PGAM2: variants seen among roughly 807,000 people sequenced by gnomAD.
PGAM2 encodes the protein BPG-dependent PGAM 2.
Under a neutral mutation model 22.5 loss-of-function variants are expected in PGAM2, and 23 were observed. That is an observed-to-expected ratio of 1.02 (90% CI 0.74 to 1.45). PGAM2 has a LOEUF of 1.45. Ranked by LOEUF, PGAM2 falls within the 40% of genes most tolerant of loss-of-function variation. PGAM2 has a pLI of 0.00. For missense variants in PGAM2, 349 were observed against 356.2 expected (o/e 0.98, Z 0.16); for synonymous variants, 133 against 138.6 (o/e 0.96, Z 0.29).
At position 44,065,516 on chromosome 7, in the gene PGAM2, C is replaced by T. The variant is rs756010000; in HGVS notation, c.14G>A (p.Arg5His). The change falls in exon 1 of 3, where the codon CGC becomes CAC. Residue 5 changes from arginine (R) to histidine (H), a missense_variant. Arg to His is a conservative substitution (Grantham distance 29, BLOSUM62 0). Coordinates refer to ENST00000297283, the MANE Select transcript of PGAM2 (RefSeq NM_000290.4). Reference sequence around the variant, plus strand: ...CTCGCCGTGCCGGACCATCACGAGGCGGTGAGTGGCCATGGTGGCAGCAGG... The same window carrying T: ...CTCGCCGTGCCGGACCATCACGAGGTGGTGAGTGGCCATGGTGGCAGCAGG... MATH[R>H]LVMVRHGEST... The T allele has an allele frequency of 2.0e-5, 33 of 1,613,854 alleles. No individual in the cohort carries two copies. The highest frequency in any genetic ancestry group is 1.6e-4 in the Middle Eastern group (1 of 6,084).
In PGAM2 at chr7:44,065,156, G is replaced by A. The variant is rs1385458139; in HGVS notation, c.374C>T (p.Pro125Leu). Residue 125 changes from proline (P) to leucine (L), a missense_variant, in exon 1 of 3, where the codon CCG (proline) becomes CTG (leucine). Transcript: ENST00000297283. Reference sequence around the variant, plus strand: ...GTAGTAGGGGTGCTTCTCGTCCATCGGGGGCGGCGGGATGTCGAAGGAGCG... The same window carrying A: ...GTAGTAGGGGTGCTTCTCGTCCATCAGGGGCGGCGGGATGTCGAAGGAGCG... The part of the protein sequence containing the change: ...WRRSFDIPPP[P>L]MDEKHPYYNS... 6 of 1,613,986 alleles carry A rather than the reference G, an allele frequency of 3.7e-6. No homozygotes were observed. Among genetic ancestry groups the A allele is most frequent in the African/African-American group, 2.7e-5 (2 of 75,054 alleles).
rs1315042365 is a variant in PGAM2 at position 44,065,224 on chromosome 7, T to C, written c.306A>G (p.Glu102=). 6.2e-7 allele frequency: 1 copy of C among 1,614,004 alleles called. No individual in the cohort carries two copies. The highest frequency in any genetic ancestry group is 2.2e-5 in the East Asian group (1 of 44,874). Reference sequence around the variant, plus strand: ...GCTCCTCCCCGTGCTTGGCGGCCGTTTCTGCCTTGTTGAGGCCTGTGAGGC... The same window carrying C: ...GCTCCTCCCCGTGCTTGGCGGCCGTCTCTGCCTTGTTGAGGCCTGTGAGGC... ...YGGLTGLNKA[E]TAAKHGEEQV... Residue 102 remains glutamate, a synonymous_variant, in exon 1 of 3, where the codon GAA becomes GAG. Coordinates refer to ENST00000297283, the MANE Select transcript of PGAM2 (RefSeq NM_000290.4).
intron 2 of PGAM2, chr7:44,064,629 C>A: frequency 1.6e-6 from 1 of 613,544 alleles, no homozygotes; most frequent in Non-Finnish European, 2.9e-6. Flanking sequence ...CAGTCAGCCC[C>A]TGTGGAGTGT....
Position 44,065,526 on chromosome 7 carries a change from C to T in PGAM2, c.4G>A (p.Ala2Thr), listed in dbSNP as rs1206914925. 1 of 1,613,816 alleles carries T rather than the reference C, an allele frequency of 6.2e-7. No homozygotes were observed. Among genetic ancestry groups the T allele is most frequent in the South Asian group, 1.1e-5 (1 of 91,082 alleles). M[A>T]THRLVMVRHG... Reference sequence around the variant, plus strand: ...CGGACCATCACGAGGCGGTGAGTGGCCATGGTGGCAGCAGGGACCACAGAG... The same window carrying T: ...CGGACCATCACGAGGCGGTGAGTGGTCATGGTGGCAGCAGGGACCACAGAG... Residue 2 changes from alanine to threonine, a missense_variant, in exon 1 of 3, where the codon GCC becomes ACC. By Grantham distance (58) the Ala-to-Thr change is moderately conservative. Transcript: ENST00000297283.
Position 44,064,970 on chromosome 7 carries a change from A to G in PGAM2, c.457T>C (p.Cys153Arg). ...GCAATGGTGTCCTTGAGGCTCTCGC[A>G]GGTGGGGAGTTCCCCGGGCTTCAGG... ...AGLKPGELPTCESLKDTIARA... is the reference protein window; with the variant it reads ...AGLKPGELPTRESLKDTIARA... The change falls in exon 2 of 3, where the codon TGC becomes CGC. Residue 153 changes from cysteine (C) to arginine (R), a missense_variant. Physicochemically the swap from Cys to Arg is radical, Grantham distance 180. Transcript: ENST00000297283. 1.2e-6 allele frequency: 2 copies of G among 1,607,692 alleles called. No individual in the cohort carries two copies. The highest frequency in any genetic ancestry group is 8.5e-7 in the Non-Finnish European group (1 of 1,179,636).
chr7:44,064,448 C>T lies in PGAM2; in HGVS notation c.595+384G>A, dbSNP rs79731102. ...TACCAGGGGGAGCTCCCCACCACCC[C>T]GGAAAAGGGAGAGGCCCAGAGATGG... On this transcript the variant is annotated intron_variant, in intron 2 of 2. Coordinates refer to ENST00000297283, the MANE Select transcript of PGAM2 (RefSeq NM_000290.4). The T allele has an allele frequency of 1.2e-4, 37 of 313,742 alleles. No homozygotes were observed. In the East Asian group the frequency reaches 3.2e-3, roughly 27 times the overall value. 19.4% of individuals were successfully genotyped at this position (313,742 alleles called of 1,614,324 possible).
rs749583250 is a variant in PGAM2 at position 44,065,565 on chromosome 7, G to A, written c.-36C>T. 6.2e-7 allele frequency: 1 copy of A among 1,601,750 alleles called. No individual in the cohort carries two copies. Among genetic ancestry groups the A allele is most frequent in the South Asian group, 1.1e-5 (1 of 90,848 alleles). On this transcript the variant is annotated 5_prime_UTR_variant, in exon 1 of 3. Transcript: ENST00000297283. Reference sequence around the variant, plus strand: ...GGGACCACAGAGGACTCTGGACGGGGACGGCTGCTTCCCAACACTCCCAGC... The same window carrying A: ...GGGACCACAGAGGACTCTGGACGGGAACGGCTGCTTCCCAACACTCCCAGC...
intron 2 of PGAM2, chr7:44,063,902 G>A (rs2096154020): frequency 6.6e-6 from 1 of 152,382 alleles, no homozygotes; most frequent in Non-Finnish European, 1.5e-5. Flanking sequence ...GGAAGGGAGA[G>A]GAGGCAGGTG....
rs750422335 is a variant in PGAM2, at chr7:44,062,889, C to T, written c.637G>A (p.Gly213Arg). 3 of 1,614,208 alleles carry T rather than the reference C, an allele frequency of 1.9e-6. No individual in the cohort carries two copies. The highest frequency in any genetic ancestry group is 3.3e-4 in the Middle Eastern group (2 of 6,062). Residue 213 changes from glycine to arginine, a missense_variant, in exon 3 of 3, where the codon GGG becomes AGG. Gly to Arg is a moderately radical substitution (Grantham distance 125, BLOSUM62 -2). Transcript: ENST00000297283. ...TTCAGCTCATACACAATGGGGATCC[C>T]CGTGGGCAGGTTCAGCTCCATGATC... ...QAIMELNLPT[G>R]IPIVYELNKE...
Position 44,064,965 on chromosome 7 carries a change from C to G in PGAM2, c.462G>C (p.Glu154Asp). The change falls in exon 2 of 3, where the codon GAG becomes GAC. Residue 154 changes from glutamate (E) to aspartate (D), a missense_variant. Physicochemically the swap from Glu to Asp is conservative, Grantham distance 45 (BLOSUM62 2). Coordinates refer to ENST00000297283, the MANE Select transcript of PGAM2 (RefSeq NM_000290.4). The stretch of plus-strand genomic sequence containing the variant: ...CCCGGGCAATGGTGTCCTTGAGGCT[C>G]TCGCAGGTGGGGAGTTCCCCGGGCT... Reference protein sequence around the residue: ...GLKPGELPTCESLKDTIARAL... With the variant: ...GLKPGELPTCDSLKDTIARAL... 6.2e-7 allele frequency: 1 copy of G among 1,608,162 alleles called. No homozygotes were observed. The highest frequency in any genetic ancestry group is 8.5e-7 in the Non-Finnish European group (1 of 1,179,694).
At chr7:44,063,933 C>T (rs1312291724) in intron 2 of PGAM2, 1 of 152,014 alleles carries the variant, frequency 6.6e-6, no homozygotes, top group East Asian at 1.9e-4. Flanking sequence ...CTGCCTGGCC[C>T]CAGTGCCAGG....
At position 44,065,494 on chromosome 7, in the gene PGAM2, G is replaced by A. The variant is rs369660945; in HGVS notation, c.36C>T (p.Gly12=). ...ATHRLVMVRH[G]ESTWNQENRF... ...GGTTCTCCTGGTTCCATGTGCTCTC[G>A]CCGTGCCGGACCATCACGAGGCGGT... is the stretch of plus-strand genomic sequence containing the variant. Residue 12 remains glycine, a synonymous_variant, in exon 1 of 3, where the codon GGC becomes GGT. Coordinates refer to ENST00000297283, the MANE Select transcript of PGAM2 (RefSeq NM_000290.4). 3.5e-5 allele frequency: 57 copies of A among 1,613,910 alleles called. No homozygotes were observed. In the Middle Eastern group the frequency reaches 1.3e-3, roughly 37 times the overall value.
chr7:44,064,545 T>C (rs887518752), intron 2 of PGAM2: 1 of 483,848 alleles, frequency 2.1e-6, no homozygotes, highest in Non-Finnish European at 3.8e-6. Context: ...CCCTTCCGTT[T>C]CCTAGCTGGG....
intron 2 of PGAM2, chr7:44,063,293 C>CTT: frequency 3.2e-6 from 1 of 315,444 alleles, no homozygotes; most frequent in South Asian, 2.8e-5. Flanking sequence ...TTTTCTTTTT[C>CTT]TTTTTTTTGA....
In PGAM2 at chr7:44,065,505, C is replaced by G. The variant is rs764295682; in HGVS notation, c.25G>C (p.Val9Leu). 3 of 1,613,962 alleles carry G rather than the reference C, an allele frequency of 1.9e-6. No homozygotes were observed. The highest frequency in any genetic ancestry group is 2.5e-6 in the Non-Finnish European group (3 of 1,180,056). Residue 9 changes from valine (V) to leucine (L), a missense_variant, in exon 1 of 3, where the codon GTC becomes CTC. By Grantham distance (32) the Val-to-Leu change is conservative. Transcript: ENST00000297283. ...TTCCATGTGCTCTCGCCGTGCCGGA[C>G]CATCACGAGGCGGTGAGTGGCCATG... MATHRLVM[V>L]RHGESTWNQE...
rs761327805 is a variant in PGAM2, at chr7:44,062,731, G to T, written c.*33C>A. The T allele has an allele frequency of 2.5e-6, 4 of 1,610,606 alleles. 1 individual carries two copies. The Admixed American group carries it at 6.7e-5, about 27-fold the overall frequency. On this transcript the variant is annotated 3_prime_UTR_variant, in exon 3 of 3. Coordinates refer to ENST00000297283, the MANE Select transcript of PGAM2 (RefSeq NM_000290.4). ...CGGCTGCGCTGGACTCCAGGCTGTT[G>T]GGGGAGGTGCCTTTATTGCCCAAGC...
At chr7:44,064,588 C>T (rs926106342) in intron 2 of PGAM2, 1 of 553,272 alleles carries the variant, frequency 1.8e-6, no homozygotes, top group Non-Finnish European at 3.3e-6. Flanking sequence ...TTGGAGCCTG[C>T]CCCACCTCGG....
Position 44,065,404 on chromosome 7 carries a change from G to A in PGAM2, c.126C>T (p.Ala42=). The change falls in exon 1 of 3, where the codon GCC becomes GCT. Residue 42 remains alanine, a synonymous_variant. Coordinates refer to ENST00000297283, the MANE Select transcript of PGAM2 (RefSeq NM_000290.4). ...CCATCTTGGCATCCTTGATGGCCTT[G>A]GCTCCCCGCTTGGCCTCCTCGGTCC... ...EKGTEEAKRG[A]KAIKDAKMEF... 1 of 1,614,096 alleles carries A rather than the reference G, an allele frequency of 6.2e-7. No homozygotes were observed. Among genetic ancestry groups the A allele is most frequent in the Non-Finnish European group, 8.5e-7 (1 of 1,180,042 alleles).
rs374395743 is a variant in PGAM2, at chr7:44,065,208, C to T, written c.322G>A (p.Gly108Arg). 3.3e-5 allele frequency: 54 copies of T among 1,613,956 alleles called. No homozygotes were observed. Among genetic ancestry groups the T allele is most frequent in the East Asian group, 8.9e-5 (4 of 44,896 alleles). ...LNKAETAAKH[G>R]EEQVKIWRRS... ...CTCCAGATCTTCACCTGCTCCTCCC[C>T]GTGCTTGGCGGCCGTTTCTGCCTTG... Residue 108 changes from glycine to arginine, a missense_variant, in exon 1 of 3, where the codon GGG becomes AGG. Coordinates refer to ENST00000297283, the MANE Select transcript of PGAM2 (RefSeq NM_000290.4).
Sources: gnomAD v4.1 joint callset for allele counts on GRCh38, gnomAD v4.1.1 for gene constraint, MANE v1.5 for transcripts, NCBI Gene and HGNC (gene_info 2026-07-23, HGNC 2026-07-21) for gene names.